The following BIN1 variants were observed in gnomAD, a reference collection of about 807,000 sequenced individuals.
BIN1 encodes myc box-dependent-interacting protein 1.
A neutral mutation model predicts 82.0 loss-of-function variants in BIN1; 53 were observed. That is an observed-to-expected ratio of 0.65 (90% CI 0.52 to 0.81). BIN1 has a LOEUF of 0.81. Among genes scored for constraint, BIN1 ranks in the 40% least tolerant of loss-of-function variants. The pLI is 0.00. For missense variants in BIN1, 642 were observed against 784.4 expected (o/e 0.82, Z 2.17); for synonymous variants, 302 against 328.0 (o/e 0.92, Z 0.86).
chr2:127,083,078 C>CTTTTTTTTTTTTTTTTTTTTTTTTTTTT (rs112344101), intron 1 of BIN1, among the ~76,000 whole-genome samples: 1 of 142,876 alleles, frequency 7.0e-6, no homozygotes. Flanking sequence ...TTGCTTTTTT[C>CTTTTTTTTTTTTTTTTTTTTTTTTTTTT]TTTTTTTTTT....
intron 1 of BIN1, among the ~76,000 whole-genome samples, chr2:127,083,194 G>A (rs78618319): frequency 1.0e-4 from 15 of 150,330 alleles, no homozygotes; most frequent in Admixed American, 8.6e-4. Context: ...TAAACGATCC[G>A]CCCACCTCAG....
intron 9 of BIN1, 124 bp downstream of exon 9, chr2:127,063,447 G>A (rs1431223166): frequency 1.9e-6 from 2 of 1,068,690 alleles, no homozygotes; most frequent in Non-Finnish European, 2.8e-6. Flanking sequence ...AGGGAGCCCT[G>A]TGGTCACCGG....
At position 127,087,319 on chromosome 2, in the gene BIN1, G is replaced by A. The variant is rs1160030038; in HGVS notation, c.85-10613C>T. Among the ~76,000 whole-genome samples, 3 of 152,208 alleles carry A rather than the reference G, an allele frequency of 2.0e-5. No homozygotes were observed. The East Asian group carries it at 5.8e-4, about 29-fold the overall frequency. On this transcript the variant is annotated intron_variant, in intron 1 of 18. Transcript: ENST00000316724. ...TCCACACTCATCTCTGCAGCTGGAA[G>A]GGAAGGCTCCCGCCCCAGAGAACGA...
At chr2:127,076,515 C>G in intron 2 of BIN1, 111 bp downstream of exon 2, 1 of 1,256,570 alleles carries the variant, frequency 8.0e-7, no homozygotes, top group Non-Finnish European at 1.2e-6. Flanking sequence ...TCAGCCCACA[C>G]TGATTACCCT....
chr2:127,053,428 G>C lies in BIN1; in HGVS notation c.1257C>G (p.Leu419=). The C allele has an allele frequency of 6.2e-7, 1 of 1,613,998 alleles. No individual in the cohort carries two copies. The change falls in exon 14 of 19, where the codon CTC becomes CTG. Residue 419 remains leucine (L), a synonymous_variant. Coordinates refer to ENST00000316724, the MANE Select transcript of BIN1 (RefSeq NM_139343.3). ...TPSGQSIPWD[L]WEPTESPAGS... is the part of the protein sequence containing the mutation. Reference sequence around the variant, plus strand: ...GAGCAGACGTGCAGCTTACCTCCCAGAGGTCCCATGGAATTGACTGAGCGC... The same window carrying C: ...GAGCAGACGTGCAGCTTACCTCCCACAGGTCCCATGGAATTGACTGAGCGC...
At chr2:127,089,394 G>A (rs1041316722) in intron 1 of BIN1, among the ~76,000 whole-genome samples, 4 of 152,218 alleles carry the variant, frequency 2.6e-5, no homozygotes, top group African/African-American at 9.6e-5. Flanking sequence ...GTGGGGCAGG[G>A]TGCCTGTTCA....
At chr2:127,092,436 G>A (rs1048079965) in intron 1 of BIN1, among the ~76,000 whole-genome samples, 3 of 152,200 alleles carry the variant, frequency 2.0e-5, no homozygotes, top group Admixed American at 2.0e-4. Flanking sequence ...ACTAACCTTA[G>A]AGGGAGGTAA....
intron 1 of BIN1, among the ~76,000 whole-genome samples, chr2:127,083,349 G>T (rs187501886): frequency 6.6e-6 from 1 of 152,190 alleles, no homozygotes; most frequent in East Asian, 1.9e-4. Context: ...TCAAGGTGCT[G>T]GGATTGCAGG....
Position 127,051,932 on chromosome 2 carries a change from T to G in BIN1, c.1371+323A>C, listed in dbSNP as rs4663089. ...TGTAAAAGGAGGAAGTGTCTGGCTG[T>G]AAAGGTGATGACGAAGATTAAATGA... On this transcript the variant is annotated intron_variant, in intron 15 of 18. Transcript: ENST00000316724. Among the ~76,000 whole-genome samples the G allele has an allele frequency of 0.34, 52,139 of 151,878 alleles. 9,247 individuals carry two copies. Among genetic ancestry groups the G allele is most frequent in the South Asian group, 0.5 (2,421 of 4,816 alleles).
chr2:127,062,286 C>T (rs1407486017), intron 9 of BIN1, 89 bp from the exon 10 acceptor site: 3 of 1,261,514 alleles, frequency 2.4e-6, no homozygotes, highest in Non-Finnish European at 3.4e-6. Context: ...TCCCCACCAC[C>T]CCCAGCCCCT....
chr2:127,049,314 T>G (rs1229925961), intron 18 of BIN1, among the ~76,000 whole-genome samples: 2 of 152,176 alleles, frequency 1.3e-5, no homozygotes, highest in Non-Finnish European at 2.9e-5. Flanking sequence ...AGCAGTCTGC[T>G]TGAAATCCTA....
At chr2:127,086,358 TAAAG>T (rs1228910614) in intron 1 of BIN1, among the ~76,000 whole-genome samples, 3 of 152,248 alleles carry the variant, frequency 2.0e-5, no homozygotes, top group Non-Finnish European at 4.4e-5. Context: ...ATCGAACTGG[TAAAG>T]AAAACACTTT....
chr2:127,084,271 TC>T (rs1677844510), intron 1 of BIN1, among the ~76,000 whole-genome samples: 1 of 152,136 alleles, frequency 6.6e-6, no homozygotes, highest in South Asian at 2.1e-4. Context: ...TTACCCAATC[TC>T]CTCCACGTGA....
chr2:127,077,986 G>A (rs534417409), intron 1 of BIN1, among the ~76,000 whole-genome samples: 46 of 152,364 alleles, frequency 3.0e-4, no homozygotes, highest in African/African-American at 1.1e-3. Flanking sequence ...GGCCAGCCCA[G>A]CATCTGCTGA....
chr2:127,090,060 A>C lies in BIN1; in HGVS notation c.85-13354T>G, dbSNP rs1213262156. The stretch of plus-strand genomic sequence containing the variant: ...CACCTGCTCCTGCGGCTCACAGTCC[A>C]CTGCAGCATGGCCAGTTCCTTGGAA... On this transcript the variant is annotated intron_variant, in intron 1 of 18. Transcript: ENST00000316724. The surrounding 1 kb of genome is among the most constrained non-coding windows in gnomAD (Gnocchi z 6.4). Among the ~76,000 whole-genome samples the C allele has an allele frequency of 6.8e-6, 1 of 146,054 alleles. No homozygotes were observed. The highest frequency in any genetic ancestry group is 1.5e-5 in the Non-Finnish European group (1 of 66,980).
At chr2:127,052,858 CCT>C in intron 14 of BIN1, 1 of 241,176 alleles carries the variant, frequency 4.1e-6, no homozygotes. Flanking sequence ...CTTCCCTGAG[CCT>C]CTGTGTCCTG....
chr2:127,102,713 C>T (rs548373884), intron 1 of BIN1, among the ~76,000 whole-genome samples: 4 of 152,220 alleles, frequency 2.6e-5, no homozygotes, highest in African/African-American at 9.6e-5. Context: ...CATGCCCACA[C>T]GCCTTTACCG....
chr2:127,069,139 C>T, intron 5 of BIN1, 108 bp from the exon 6 acceptor site: 1 of 1,008,236 alleles, frequency 9.9e-7, no homozygotes, highest in African/African-American at 1.6e-5. Context: ...ACCCCAGCTC[C>T]ACAGGAACCC....
Position 127,069,996 on chromosome 2 carries a change from T to C in BIN1, c.410A>G (p.Lys137Arg). The C allele has an allele frequency of 6.2e-7, 1 of 1,613,990 alleles. No individual in the cohort carries two copies. Among genetic ancestry groups the C allele is most frequent in the Non-Finnish European group, 8.5e-7 (1 of 1,179,870 alleles). ...DTYLGQFPDI[K>R]SRIAKRGRKL... is the part of the protein sequence containing the mutation. ...CAGATCTGCAAGTGGGTCTCTCACC[T>C]TGATGTCGGGGAACTGGCCCAGGTA... Residue 137 changes from lysine (K) to arginine (R), a missense_variant and splice_region_variant, in exon 5 of 19, where the codon AAG becomes AGG. By Grantham distance (26) the Lys-to-Arg change is conservative. Transcript: ENST00000316724.
Sources: allele counts gnomAD v4.1 joint callset (sites outside exome capture counted in the v4.1 genomes callset), GRCh38; gene constraint gnomAD v4.1.1; non-coding constraint Gnocchi (gnomAD v3.1); transcripts MANE v1.5; gene names NCBI Gene and HGNC (gene_info 2026-07-23, HGNC 2026-07-21).